The following HEMK2 variants were observed in gnomAD, a reference collection of about 807,000 sequenced individuals.
HEMK2 encodes the protein methyltransferase HEMK2.
chr21:28,815,457 A>T, the HEMK2 span, among the ~76,000 whole-genome samples: 1 of 152,102 alleles, frequency 6.6e-6, no homozygotes, highest in African/African-American at 2.4e-5. Flanking sequence ...TCTCTCCCAC[A>T]TCCTACTAAA....
chr21:28,794,034 T>A, the HEMK2 span, among the ~76,000 whole-genome samples: 1 of 152,234 alleles, frequency 6.6e-6, no homozygotes, highest in African/African-American at 2.4e-5. Context: ...TGTGTGGTAA[T>A]TTGTTACAGC....
At chr21:28,858,251 TC>T in the HEMK2 span, among the ~76,000 whole-genome samples, 1 of 152,132 alleles carries the variant, frequency 6.6e-6, no homozygotes, top group Non-Finnish European at 1.5e-5. Context: ...ACCACTCTTT[TC>T]CCCCATCAGT....
At chr21:28,798,747 AG>A in the HEMK2 span, among the ~76,000 whole-genome samples, 1 of 152,218 alleles carries the variant, frequency 6.6e-6, no homozygotes, top group Non-Finnish European at 1.5e-5. Context: ...TAGAAGCTGT[AG>A]TAACAGCTAA....
the HEMK2 span, among the ~76,000 whole-genome samples, chr21:28,818,511 G>T: frequency 1.3e-3 from 203 of 152,212 alleles, 1 homozygote; most frequent in African/African-American, 4.7e-3. Flanking sequence ...ATACAGACAG[G>T]AATATAGAGC....
chr21:28,678,315 G>A, the HEMK2 span, among the ~76,000 whole-genome samples: 14 of 152,112 alleles, frequency 9.2e-5, no homozygotes, highest in Admixed American at 5.9e-4. Flanking sequence ...TCATATGAAC[G>A]AAATGAAACG....
the HEMK2 span, among the ~76,000 whole-genome samples, chr21:28,636,242 CTTG>C: frequency 6.6e-6 from 1 of 152,132 alleles, no homozygotes; most frequent in Admixed American, 6.5e-5. Flanking sequence ...CTTTTGCCTA[CTTG>C]TTGTACTTGC....
chr21:28,723,923 TG>T, the HEMK2 span, among the ~76,000 whole-genome samples: 504 of 152,328 alleles, frequency 3.3e-3, 5 homozygotes, highest in African/African-American at 0.011. Context: ...TGCAACTTTG[TG>T]GTGAGAAAAG....
the HEMK2 span, among the ~76,000 whole-genome samples, chr21:28,881,181 C>G: frequency 5.3e-4 from 81 of 152,226 alleles, no homozygotes; most frequent in Admixed American, 8.5e-4. Flanking sequence ...TTGTTTTTAC[C>G]TACTGAGGAC....
At chr21:28,859,822 A>C in the HEMK2 span, among the ~76,000 whole-genome samples, 2 of 152,186 alleles carry the variant, frequency 1.3e-5, no homozygotes, top group Admixed American at 6.5e-5. Flanking sequence ...GAAAAAAAGT[A>C]ACCAAATTTA....
the HEMK2 span, among the ~76,000 whole-genome samples, chr21:28,866,798 A>G: frequency 6.6e-6 from 1 of 152,230 alleles, no homozygotes; most frequent in Non-Finnish European, 1.5e-5. Context: ...CAAAATGTAG[A>G]GATTAGTAGC....
At chr21:28,807,631 G>A in the HEMK2 span, among the ~76,000 whole-genome samples, 1 of 152,198 alleles carries the variant, frequency 6.6e-6, no homozygotes. Context: ...GGCCTTGGCT[G>A]ACATGGTTCT....
At chr21:28,845,491 T>G in the HEMK2 span, among the ~76,000 whole-genome samples, 1 of 152,092 alleles carries the variant, frequency 6.6e-6, no homozygotes, top group Non-Finnish European at 1.5e-5. Flanking sequence ...TTTTACTGCC[T>G]TATGTTTATA....
At chr21:28,715,636 T>C in the HEMK2 span, among the ~76,000 whole-genome samples, 3 of 152,230 alleles carry the variant, frequency 2.0e-5, no homozygotes, top group Admixed American at 6.5e-5. Context: ...CAGAAGTTCT[T>C]TAGTTTCATT....
chr21:28,806,743 A>C, the HEMK2 span, among the ~76,000 whole-genome samples: 1 of 152,150 alleles, frequency 6.6e-6, no homozygotes, highest in Non-Finnish European at 1.5e-5. Flanking sequence ...GACGAATGAA[A>C]ATGGAAGAAG....
chr21:28,713,642 T>C, the HEMK2 span, among the ~76,000 whole-genome samples: 2 of 152,154 alleles, frequency 1.3e-5, no homozygotes, highest in African/African-American at 4.8e-5. Flanking sequence ...TCAGGGAACC[T>C]TCCCTGTCCC....
chr21:28,593,156 C>T, the HEMK2 span, among the ~76,000 whole-genome samples: 12 of 152,184 alleles, frequency 7.9e-5, no homozygotes, highest in South Asian at 4.2e-4. Flanking sequence ...AGATTTGTGC[C>T]ATTGCACTCC....
the HEMK2 span, among the ~76,000 whole-genome samples, chr21:28,856,816 T>C: frequency 1.3e-5 from 2 of 152,194 alleles, no homozygotes; most frequent in Non-Finnish European, 2.9e-5. Context: ...CGTGGGCCCA[T>C]GCTACCAGGG....
At chr21:28,774,868 A>T in the HEMK2 span, among the ~76,000 whole-genome samples, 116 of 152,332 alleles carry the variant, frequency 7.6e-4, no homozygotes, top group African/African-American at 2.6e-3. Flanking sequence ...TTTAATTTTG[A>T]AAAGATTATC....
chr21:28,627,317 C>G, the HEMK2 span, among the ~76,000 whole-genome samples: 12 of 152,156 alleles, frequency 7.9e-5, no homozygotes, highest in Non-Finnish European at 1.5e-4. Context: ...TTTGTCAAAA[C>G]TTACTGAACA....
Sources: gnomAD v4.1 joint callset for allele counts (sites outside exome capture counted in the v4.1 genomes callset) on GRCh38, gnomAD v4.1.1 for gene constraint, MANE v1.5 for transcripts, NCBI Gene and HGNC (gene_info 2026-07-23, HGNC 2026-07-21) for gene names.